Variants in ADGRF5 observed in about 807,000 individuals in gnomAD.
The protein encoded by ADGRF5 is G-protein coupled receptor 116.
ADGRF5 carries 75 observed loss-of-function variants against 132.3 expected under a neutral mutation model. The observed-to-expected ratio is 0.57, with a 90% CI of 0.47 to 0.69. ADGRF5 has a LOEUF of 0.69. Ranked by LOEUF, ADGRF5 falls within the 30% of genes least tolerant of loss-of-function variation. The pLI is 0.00. For synonymous variants in ADGRF5, 629 were observed against 597.6 expected (o/e 1.05, Z -0.77); for missense variants, 1,516 against 1,630.6 (o/e 0.93, Z 1.21).
intron 13 of ADGRF5, among the ~76,000 whole-genome samples, chr6:46,865,629 C>T (rs1308619008): frequency 6.6e-6 from 1 of 152,214 alleles, no homozygotes; most frequent in Non-Finnish European, 1.5e-5. Context: ...GTGCTCAGCT[C>T]AGTATCTGGT....
Position 46,866,897 on chromosome 6 carries a change from C to A in ADGRF5, c.1834+28G>T, listed in dbSNP as rs72856831. 1.8e-3 allele frequency: 2,534 copies of A among 1,375,070 alleles called. 2 individuals are homozygous for A. Among genetic ancestry groups the A allele is most frequent in the Non-Finnish European group, 2.3e-3 (2,232 of 962,392 alleles). The allele number at this position is 1,375,070 out of a possible 1,614,324, so 85.2% of individuals were successfully genotyped here. ...ACTCCACATATGTGAAATAATATAC[C>A]CTAACAATTCAGCAATCAGCATCTT... On this transcript the variant is annotated intron_variant, in intron 13 of 20. Coordinates refer to ENST00000283296, the MANE Select transcript of ADGRF5 (RefSeq NM_001098518.2).
intron 1 of ADGRF5, among the ~76,000 whole-genome samples, chr6:46,945,634 C>T (rs1013052553): frequency 5.9e-5 from 9 of 152,304 alleles, no homozygotes; most frequent in Non-Finnish European, 1.0e-4. Context: ...CAGTTCTGCA[C>T]AGGGATGGGG....
intron 3 of ADGRF5, among the ~76,000 whole-genome samples, chr6:46,897,851 T>C (rs923215002): frequency 6.6e-6 from 1 of 152,196 alleles, no homozygotes; most frequent in Non-Finnish European, 1.5e-5. Flanking sequence ...GTCATGTTCT[T>C]AATTGCAACT....
chr6:46,856,378 CTAA>C (rs1769046988), intron 19 of ADGRF5, among the ~76,000 whole-genome samples: 1 of 152,106 alleles, frequency 6.6e-6, no homozygotes, highest in Non-Finnish European at 1.5e-5. Context: ...CTTGTTTTCT[CTAA>C]TGCCTTGAAT....
At chr6:46,869,269 C>T (rs1388751223) in intron 11 of ADGRF5, 177 bp from the exon 12 acceptor site, 5 of 1,438,862 alleles carry the variant, frequency 3.5e-6, no homozygotes, top group Non-Finnish European at 3.6e-6. Context: ...GGGCTTTACT[C>T]GTTTCTAGGC....
chr6:46,899,950 C>T, intron 3 of ADGRF5, 79 bp downstream of exon 3: 1 of 978,256 alleles, frequency 1.0e-6, no homozygotes, highest in South Asian at 1.3e-5. Context: ...ATTATGTAGA[C>T]TACAATGTTT....
intron 1 of ADGRF5, among the ~76,000 whole-genome samples, chr6:46,937,624 G>A (rs1371771626): frequency 1.3e-5 from 2 of 152,098 alleles, no homozygotes; most frequent in African/African-American, 2.4e-5. Context: ...CTATGATAAA[G>A]TTTAATTTAT....
chr6:46,910,150 G>A (rs372426816), intron 1 of ADGRF5, among the ~76,000 whole-genome samples: 2 of 152,188 alleles, frequency 1.3e-5, no homozygotes, highest in East Asian at 3.9e-4. Context: ...GAGCTCAGAG[G>A]TGGCTAGGAG....
chr6:46,868,731 T>C (rs1770733259), intron 12 of ADGRF5, 152 bp downstream of exon 12: 1 of 585,044 alleles, frequency 1.7e-6, no homozygotes. Context: ...GCATCTTCCC[T>C]CAAAGGAATG....
chr6:46,881,608 AC>A lies in ADGRF5; in HGVS notation c.672-12del. The A allele has an allele frequency of 6.2e-7, 1 of 1,612,500 alleles. No homozygotes were observed. Among genetic ancestry groups the A allele is most frequent in the Non-Finnish European group, 8.5e-7 (1 of 1,178,868 alleles). ...ACCACACTTCCAGACCTGGACAGAG[AC>A]CACTCAGTTCAGTAAAACAATAACT... On this transcript the variant is annotated splice_polypyrimidine_tract_variant and intron_variant, in intron 7 of 20. Coordinates refer to ENST00000283296, the MANE Select transcript of ADGRF5 (RefSeq NM_001098518.2).
At chr6:46,892,247 G>C (rs1414748429) in intron 3 of ADGRF5, among the ~76,000 whole-genome samples, 1 of 151,374 alleles carries the variant, frequency 6.6e-6, no homozygotes, top group East Asian at 1.9e-4. Context: ...CAGCCCATGT[G>C]AACCAAAGTA....
At chr6:46,923,452 C>A (rs1054314484), upstream of ADGRF5, among the ~76,000 whole-genome samples, 1 of 152,134 alleles carries the variant, frequency 6.6e-6, no homozygotes, top group Non-Finnish European at 1.5e-5. Flanking sequence ...AGGCTTGAGA[C>A]CAGAGTATTT....
chr6:46,945,666 T>A (rs540316811), intron 1 of ADGRF5, among the ~76,000 whole-genome samples: 26 of 152,178 alleles, frequency 1.7e-4, no homozygotes, highest in Non-Finnish European at 3.1e-4. Context: ...AAGGAAGTAA[T>A]TTGGTGACAT....
chr6:46,881,994 C>G, intron 7 of ADGRF5, 55 bp downstream of exon 7: 1 of 1,278,122 alleles, frequency 7.8e-7, no homozygotes. Context: ...ACCTCCTTCA[C>G]TACCATATGG....
chr6:46,921,666 C>T (rs979472384), intron 1 of ADGRF5, 47 bp downstream of exon 1: 1 of 152,250 alleles, frequency 6.6e-6, no homozygotes, highest in African/African-American at 2.4e-5. Context: ...GGTCTTGCTA[C>T]AAAGGGAGAC....
Position 46,889,568 on chromosome 6 carries a change from G to GTA in ADGRF5, c.158-1065_158-1064dup, listed in dbSNP as rs765350305. On this transcript the variant is annotated intron_variant, in intron 3 of 20. Transcript: ENST00000283296. ...TATATATATATGTGTGTGTGTGTGTGTATATATATATATATATATATATAT... is the reference window on the plus strand; with the variant it reads ...TATATATATATGTGTGTGTGTGTGTGTATATATATATATATATATATATATAT... Among the ~76,000 whole-genome samples the GTA allele has an allele frequency of 8.5e-3, 658 of 77,764 alleles. 5 individuals are homozygous for GTA. Among genetic ancestry groups the GTA allele is most frequent in the Middle Eastern group, 0.025 (3 of 120 alleles). The allele number at this position is 77,764 out of a possible 152,430, so 51.0% of individuals were successfully genotyped here. A position where few individuals can be genotyped will look rare whatever the true frequency, so the allele number is the denominator to read the frequency against.
At chr6:46,895,784 GTTACTTCTAACCAATAA>G (rs1774123144) in intron 3 of ADGRF5, among the ~76,000 whole-genome samples, 2 of 151,594 alleles carry the variant, frequency 1.3e-5, no homozygotes, top group South Asian at 4.2e-4. Flanking sequence ...TGATATTTGT[GTTACTTCTAACCAATAA>G]GAAACATCCA....
chr6:46,930,205 G>A (rs571209386), intron 1 of ADGRF5, among the ~76,000 whole-genome samples: 9 of 152,262 alleles, frequency 5.9e-5, no homozygotes, highest in East Asian at 1.9e-4. Context: ...AAAGTGTAGC[G>A]AATGGCACCA....
In ADGRF5 at chr6:46,878,312, T is replaced by C; in HGVS notation, c.1130A>G (p.Glu377Gly). The C allele has an allele frequency of 6.2e-7, 1 of 1,613,546 alleles. No homozygotes were observed. Among genetic ancestry groups the C allele is most frequent in the Non-Finnish European group, 8.5e-7 (1 of 1,179,484 alleles). Residue 377 changes from glutamate (E) to glycine (G), a missense_variant, in exon 10 of 21, where the codon GAA becomes GGA. By Grantham distance (98) the Glu-to-Gly change is moderately conservative. This residue lies in a region of ADGRF5 where 945 missense variants were observed against 929.4 expected (regional missense o/e 1.02). Transcript: ENST00000283296. ...ATTGTTGTCGCACATCACCTTCATT[T>C]CTTCATTTGCCAAAATTTGGATGGG... ...VMPIQILANE[E>G]MKVMCDNNPV... is the part of the protein sequence containing the mutation.
Sources: gnomAD v4.1 joint callset for allele counts (sites outside exome capture counted in the v4.1 genomes callset) on GRCh38, gnomAD v4.1.1 for gene constraint, gnomAD v4.1.1 regional missense constraint, MANE v1.5 for transcripts, NCBI Gene and HGNC (gene_info 2026-07-23, HGNC 2026-07-21) for gene names.